The following PABPC4L variants were observed in gnomAD, a reference collection of about 807,000 sequenced individuals.
PABPC4L encodes poly(A) binding protein cytoplasmic 4 like.
For synonymous variants in PABPC4L, 169 were observed against 164.1 expected, an observed-to-expected ratio of 1.03 and a Z score of -0.23; for missense variants, 452 against 451.4, an observed-to-expected ratio of 1.00 and a Z score of -0.01.
chr4:134,194,097 A>C (rs1729587251), downstream of PABPC4L, among the ~76,000 whole-genome samples: 1 of 151,866 alleles, frequency 6.6e-6, no homozygotes, highest in Non-Finnish European at 1.5e-5. Context: ...AATAAGGATT[A>C]ATTAATGAGC....
At chr4:133,948,560 A>AT in the PABPC4L span, among the ~76,000 whole-genome samples, 3 of 152,232 alleles carry the variant, frequency 2.0e-5, no homozygotes, top group Non-Finnish European at 4.4e-5. Flanking sequence ...CATATTCCCT[A>AT]TGGAGAATGA....
the PABPC4L span, among the ~76,000 whole-genome samples, chr4:134,000,491 A>T: frequency 6.6e-6 from 1 of 152,148 alleles, no homozygotes; most frequent in Non-Finnish European, 1.5e-5. Context: ...GTTAGACTTA[A>T]TCTAACCTAA....
At chr4:134,033,152 T>C in the PABPC4L span, among the ~76,000 whole-genome samples, 1 of 151,726 alleles carries the variant, frequency 6.6e-6, no homozygotes, top group Non-Finnish European at 1.5e-5. Flanking sequence ...TCTCACAGTA[T>C]TTCAAATTTT....
At chr4:134,170,474 C>T in the PABPC4L span, among the ~76,000 whole-genome samples, 26 of 152,190 alleles carry the variant, frequency 1.7e-4, no homozygotes, top group Non-Finnish European at 2.9e-4. Context: ...AATTGCCTCA[C>T]GGTACCATAG....
the PABPC4L span, among the ~76,000 whole-genome samples, chr4:134,128,820 A>G: frequency 1.3e-5 from 2 of 152,170 alleles, no homozygotes; most frequent in African/African-American, 2.4e-5. Context: ...AGTATCTCAC[A>G]TCTCAATACC....
chr4:134,175,480 G>C, the PABPC4L span, among the ~76,000 whole-genome samples: 1 of 151,050 alleles, frequency 6.6e-6, no homozygotes, highest in Non-Finnish European at 1.5e-5. Flanking sequence ...ACAGGGTCTC[G>C]CTCTGTCGCC....
the PABPC4L span, among the ~76,000 whole-genome samples, chr4:134,088,165 A>G: frequency 2.0e-5 from 3 of 152,038 alleles, no homozygotes; most frequent in East Asian, 3.9e-4. Flanking sequence ...TATCCTAAAA[A>G]TTAGAATATT....
chr4:134,117,108 T>A, the PABPC4L span, among the ~76,000 whole-genome samples: 1 of 151,700 alleles, frequency 6.6e-6, no homozygotes, highest in African/African-American at 2.4e-5. Context: ...AGAATGTAGC[T>A]ATTTGCATTT....
the PABPC4L span, among the ~76,000 whole-genome samples, chr4:134,166,544 C>T: frequency 5.6e-4 from 85 of 152,200 alleles, no homozygotes; most frequent in South Asian, 0.011. Context: ...TCCTCTTGGG[C>T]AGGTCACACC....
At chr4:134,142,756 A>T in the PABPC4L span, among the ~76,000 whole-genome samples, 1 of 151,604 alleles carries the variant, frequency 6.6e-6, no homozygotes, top group African/African-American at 2.4e-5. Context: ...TGAACACTCA[A>T]ACATACCTCT....
At chr4:134,139,917 C>A in the PABPC4L span, among the ~76,000 whole-genome samples, 1 of 151,694 alleles carries the variant, frequency 6.6e-6, no homozygotes, top group East Asian at 1.9e-4. Context: ...GCAGGACAAC[C>A]AGAAATTGTT....
the PABPC4L span, among the ~76,000 whole-genome samples, chr4:134,122,580 C>T: frequency 6.6e-6 from 1 of 151,742 alleles, no homozygotes; most frequent in Admixed American, 6.6e-5. Flanking sequence ...ATACCAAATG[C>T]ATTCAAAATG....
the PABPC4L span, among the ~76,000 whole-genome samples, chr4:133,951,677 G>T: frequency 6.6e-6 from 1 of 152,080 alleles, no homozygotes; most frequent in African/African-American, 2.4e-5. Flanking sequence ...TCTAAAGATG[G>T]GAGAGCCAGG....
the PABPC4L span, among the ~76,000 whole-genome samples, chr4:134,105,775 T>A: frequency 1.3e-5 from 2 of 151,564 alleles, no homozygotes; most frequent in African/African-American, 4.8e-5. Flanking sequence ...CTGTAGAAAG[T>A]TTTTTAGTGG....
the PABPC4L span, among the ~76,000 whole-genome samples, chr4:134,129,562 C>T: frequency 6.6e-6 from 1 of 151,760 alleles, no homozygotes; most frequent in Non-Finnish European, 1.5e-5. Context: ...AAATAACTTG[C>T]TTCTGAATGA....
the PABPC4L span, among the ~76,000 whole-genome samples, chr4:134,148,908 C>T: frequency 6.6e-6 from 1 of 151,904 alleles, no homozygotes; most frequent in South Asian, 2.1e-4. Context: ...AAGTGTCCCT[C>T]CCCTCATAAC....
chr4:134,092,718 C>A, the PABPC4L span, among the ~76,000 whole-genome samples: 1 of 152,012 alleles, frequency 6.6e-6, no homozygotes, highest in Non-Finnish European at 1.5e-5. Context: ...CTCCTGCATC[C>A]ACTCACCTGT....
At chr4:134,183,476 G>A in the PABPC4L span, among the ~76,000 whole-genome samples, 1 of 150,274 alleles carries the variant, frequency 6.7e-6, no homozygotes, top group Non-Finnish European at 1.5e-5. Context: ...GGTGGGAGGA[G>A]GAAGAGGGTA....
At chr4:134,181,163 T>A in the PABPC4L span, among the ~76,000 whole-genome samples, 1 of 152,050 alleles carries the variant, frequency 6.6e-6, no homozygotes, top group Non-Finnish European at 1.5e-5. Context: ...TTCAAAAAGT[T>A]AATCCACAAG....
Sources: allele counts gnomAD v4.1 joint callset (sites outside exome capture counted in the v4.1 genomes callset), GRCh38; gene constraint gnomAD v4.1.1; transcripts MANE v1.5; gene names NCBI Gene and HGNC (gene_info 2026-07-23, HGNC 2026-07-21).